The following CLSTN3 variants were observed in gnomAD, a reference collection of about 807,000 sequenced individuals.
CLSTN3 encodes the protein calsyntenin-3.
Under a neutral mutation model 95.9 loss-of-function variants are expected in CLSTN3, and 36 were observed. That is an observed-to-expected ratio of 0.38 (90% confidence interval 0.29 to 0.50). The LOEUF (loss-of-function observed/expected upper bound fraction) is 0.50, where lower values mean the gene tolerates loss of function less well. CLSTN3 is among the 20% of genes least tolerant of loss of function. CLSTN3 has a pLI of 0.95. For missense variants in CLSTN3, 1,084 were observed against 1,268.8 expected (o/e 0.85, Z 2.21); for synonymous variants, 481 against 504.0 (o/e 0.95, Z 0.61).
At chr12:7,148,550 C>T (rs367808584) in intron 12 of CLSTN3, among the ~76,000 whole-genome samples, 41 of 152,234 alleles carry the variant, frequency 2.7e-4, no homozygotes, top group African/African-American at 8.2e-4. Context: ...TAATTTTGGG[C>T]GCATATGTGC....
At chr12:7,151,502 C>T (rs961777662) in intron 16 of CLSTN3, among the ~76,000 whole-genome samples, 7 of 152,128 alleles carry the variant, frequency 4.6e-5, no homozygotes, top group Non-Finnish European at 7.3e-5. Flanking sequence ...TCCCTATCCC[C>T]AAGGAGAGAA....
chr12:7,129,863 C>T (rs1205256841), upstream of CLSTN3: 1 of 968,978 alleles, frequency 1.0e-6, no homozygotes, highest in African/African-American at 1.8e-5. This position sits in a 1 kb window ranked among gnomAD's most constrained non-coding sequence, Gnocchi z 5.5. Context: ...TCCTGCCCCT[C>T]CTTGGGTCCC....
chr12:7,140,846 TCAG>T (rs1240325852), intron 8 of CLSTN3, among the ~76,000 whole-genome samples: 2 of 152,114 alleles, frequency 1.3e-5, no homozygotes. Flanking sequence ...GTTTGAGGCT[TCAG>T]TGGGCTATGA....
At chr12:7,156,981 A>G in intron 16 of CLSTN3, 1 of 367,534 alleles carries the variant, frequency 2.7e-6, no homozygotes, top group Non-Finnish European at 5.4e-6. Context: ...CCCCAGCCTC[A>G]GGTGCTAGTG....
In CLSTN3 at chr12:7,149,225, C is replaced by T. The variant is rs1298910938; in HGVS notation, c.2074+27C>T. 6.3e-7 allele frequency: 1 copy of T among 1,579,210 alleles called. No homozygotes were observed. Among genetic ancestry groups the T allele is most frequent in the Non-Finnish European group, 8.7e-7 (1 of 1,153,368 alleles). ...TAAGGACGACTTCGGGGAGTAACAC[C>T]ATCCAGAGAACCAGCCAGTGTCTGG... On this transcript the variant is annotated intron_variant, in intron 13 of 17. Transcript: ENST00000266546. This position sits in a 1 kb window ranked among gnomAD's most constrained non-coding sequence, Gnocchi z 4.5.
At chr12:7,142,644 T>C (rs2135804649) in intron 10 of CLSTN3, among the ~76,000 whole-genome samples, 1 of 151,954 alleles carries the variant, frequency 6.6e-6, no homozygotes, top group East Asian at 1.9e-4. Flanking sequence ...CTGTCTTCTT[T>C]TGTCTCATTT....
At chr12:7,134,741 G>A (rs1041385954) in intron 3 of CLSTN3, among the ~76,000 whole-genome samples, 4 of 152,216 alleles carry the variant, frequency 2.6e-5, no homozygotes, top group South Asian at 2.1e-4. Context: ...GGATCTGACT[G>A]TTGTGAAGGA....
At chr12:7,135,273 A>C in intron 3 of CLSTN3, 54 bp from the exon 4 acceptor site, 3 of 1,547,072 alleles carry the variant, frequency 1.9e-6, no homozygotes, top group South Asian at 1.1e-5. Context: ...CTCAATGTAT[A>C]ATGTCGAGGC....
chr12:7,129,916 G>A, upstream of CLSTN3: 2 of 563,860 alleles, frequency 3.5e-6, no homozygotes, highest in Non-Finnish European at 2.3e-6. The surrounding 1 kb of genome is among the most constrained non-coding windows in gnomAD (Gnocchi z 5.5). Context: ...TGGCTTCCTC[G>A]CAGCCCTGGG....
Position 7,150,695 on chromosome 12 carries a change from CA to C in CLSTN3, c.2391+7del. 6.2e-7 allele frequency: 1 copy of C among 1,612,416 alleles called. No individual in the cohort carries two copies. The highest frequency in any genetic ancestry group is 8.5e-7 in the Non-Finnish European group (1 of 1,178,542). On this transcript the variant is annotated splice_region_variant and intron_variant, in intron 15 of 17. Transcript: ENST00000266546. The surrounding 1 kb of genome is among the most constrained non-coding windows in gnomAD (Gnocchi z 4.0). Reference sequence around the variant, plus strand: ...GCAATGAATTCATCGTGGAGGTACCCAGAGAGTCTCCTTCCTTCCACAGTTA... The same window carrying C: ...GCAATGAATTCATCGTGGAGGTACCCGAGAGTCTCCTTCCTTCCACAGTTA...
rs775100523 is a variant in CLSTN3 at position 7,157,899 on chromosome 12, G to A, written c.2731-42G>A. On this transcript the variant is annotated intron_variant, in intron 17 of 17. Coordinates refer to ENST00000266546, the MANE Select transcript of CLSTN3 (RefSeq NM_014718.4). The surrounding 1 kb of genome is among the most constrained non-coding windows in gnomAD (Gnocchi z 5.9). The stretch of plus-strand genomic sequence containing the variant: ...CCCTGAAAGAGAGGCTGGGATGTGT[G>A]CAGGCCATTGATCCCTTCTCCTCTC... 1 of 1,546,642 alleles carries A rather than the reference G, an allele frequency of 6.5e-7. No individual in the cohort carries two copies. Among genetic ancestry groups the A allele is most frequent in the Admixed American group, 2.0e-5 (1 of 50,916 alleles).
At chr12:7,134,764 A>T (rs1263063340) in intron 3 of CLSTN3, among the ~76,000 whole-genome samples, 1 of 152,078 alleles carries the variant, frequency 6.6e-6, no homozygotes, top group Non-Finnish European at 1.5e-5. Flanking sequence ...GCCCTGCTGG[A>T]TTTTATGCCT....
At chr12:7,130,287 C>G (rs1486691735), upstream of CLSTN3, 4 of 820,370 alleles carry the variant, frequency 4.9e-6, no homozygotes, top group Admixed American at 3.8e-5. Flanking sequence ...GCTCCCTCCC[C>G]CGCTGCAGCA....
Position 7,150,490 on chromosome 12 carries a change from T to C in CLSTN3, c.2246-54T>C, listed in dbSNP as rs1465091644. 33 of 1,576,042 alleles carry C rather than the reference T, an allele frequency of 2.1e-5. No individual in the cohort carries two copies. The highest frequency in any genetic ancestry group is 2.5e-5 in the Non-Finnish European group (29 of 1,155,012). ...GGTGGGAGTCCAGGAGAGAGGGTCC[T>C]GCCCAGGTCCTGCCTCCACTGGCCC... is the stretch of plus-strand genomic sequence containing the variant. On this transcript the variant is annotated intron_variant, in intron 14 of 17. Coordinates refer to ENST00000266546, the MANE Select transcript of CLSTN3 (RefSeq NM_014718.4). This position sits in a 1 kb window ranked among gnomAD's most constrained non-coding sequence, Gnocchi z 4.0.
rs773995517 is a variant in CLSTN3, at chr12:7,141,225, CT to C, written c.1324-16del. ...CGAATTACCTGAGAGGCTCTTGCCC[CT>C]ACCCTACTCTCCCAGGTCTGTGATG... is the stretch of plus-strand genomic sequence containing the variant. On this transcript the variant is annotated splice_polypyrimidine_tract_variant and intron_variant, in intron 8 of 17. Transcript: ENST00000266546. The surrounding 1 kb of genome is among the most constrained non-coding windows in gnomAD (Gnocchi z 4.1). 7.0e-5 allele frequency: 113 copies of C among 1,611,618 alleles called. No homozygotes were observed. The East Asian group carries it at 2.4e-3, about 35-fold the overall frequency.
chr12:7,129,818 G>C, upstream of CLSTN3: 1 of 985,668 alleles, frequency 1.0e-6, no homozygotes, highest in Non-Finnish European at 1.2e-6. The surrounding 1 kb of genome is among the most constrained non-coding windows in gnomAD (Gnocchi z 5.5). Context: ...GAGGCGGCCG[G>C]TCCCGACAGG....
At position 7,158,035 on chromosome 12, in the gene CLSTN3, G is replaced by A; in HGVS notation, c.2825G>A (p.Ser942Asn). ...SSDSEVADSP[S>N]SDERRIIETP... ...GACTCGGAGGTGGCCGATTCCCCCA[G>A]CAGCGACGAGAGACGCATCATCGAG... Residue 942 changes from serine (S) to asparagine (N), a missense_variant, in exon 18 of 18, where the codon AGC (serine) becomes AAC (asparagine). Coordinates refer to ENST00000266546, the MANE Select transcript of CLSTN3 (RefSeq NM_014718.4). 1 of 1,549,852 alleles carries A rather than the reference G, an allele frequency of 6.5e-7. No individual in the cohort carries two copies. Among genetic ancestry groups the A allele is most frequent in the Non-Finnish European group, 8.7e-7 (1 of 1,145,936 alleles).
rs895073239 is a variant in CLSTN3, at chr12:7,133,941, A to C, written c.383+173A>C. 1 of 585,696 alleles carries C rather than the reference A, an allele frequency of 1.7e-6. No individual in the cohort carries two copies. Among genetic ancestry groups the C allele is most frequent in the Non-Finnish European group, 3.0e-6 (1 of 338,882 alleles). The allele number at this position is 585,696 out of a possible 1,614,324, so 36.3% of individuals were successfully genotyped here. A position where few individuals can be genotyped will look rare whatever the true frequency, so the allele number is the denominator to read the frequency against. On this transcript the variant is annotated intron_variant, in intron 3 of 17. Transcript: ENST00000266546. This position sits in a 1 kb window ranked among gnomAD's most constrained non-coding sequence, Gnocchi z 4.7. ...CCTAGGATTTAGGGACTTTCAGGCA[A>C]GGTGACAGAAACGTATAGTAGAGTT...
chr12:7,143,397 G>GGCAT, intron 12 of CLSTN3, 86 bp downstream of exon 12: 1 of 1,448,128 alleles, frequency 6.9e-7, no homozygotes, highest in South Asian at 1.3e-5. Flanking sequence ...CCTAGAGCTA[G>GGCAT]GCATACCTCT....
Sources: gnomAD v4.1 joint callset for allele counts (sites outside exome capture counted in the v4.1 genomes callset) on GRCh38, gnomAD v4.1.1 for gene constraint, Gnocchi (gnomAD v3.1) non-coding constraint, MANE v1.5 for transcripts, NCBI Gene and HGNC (gene_info 2026-07-23, HGNC 2026-07-21) for gene names.